Variants in GRM7 observed in about 807,000 individuals in gnomAD.
GRM7 encodes glutamate metabotropic receptor 7.
GRM7 carries 35 observed loss-of-function variants against 84.5 expected under a neutral mutation model. That is an observed-to-expected ratio of 0.41 (90% CI 0.32 to 0.55). The LOEUF is 0.55. GRM7 is among the 20% of genes least tolerant of loss of function. The pLI, the probability that GRM7 is intolerant of heterozygous loss-of-function variation, is 0.19. For synonymous variants in GRM7, 487 were observed against 455.1 expected, an observed-to-expected ratio of 1.07 and a Z score of -0.89; for missense variants, 1,003 against 1,194.6, an observed-to-expected ratio of 0.84 and a Z score of 2.36.
rs546092589 is a variant in GRM7 at position 7,176,765 on chromosome 3, A to G, written c.736+30097A>G. Among the ~76,000 whole-genome samples the G allele has an allele frequency of 2.0e-5, 3 of 152,192 alleles. No individual in the cohort carries two copies. The East Asian group carries it at 5.8e-4, about 30-fold the overall frequency. ...CACCTTGGTTACATTCCATTCTTCC[A>G]TCCTCTTAGTTTCTATCTTGACTGA... is the stretch of plus-strand genomic sequence containing the variant. On this transcript the variant is annotated intron_variant, in intron 2 of 9. Transcript: ENST00000357716.
At chr3:7,007,678 T>A (rs540716032) in intron 1 of GRM7, among the ~76,000 whole-genome samples, 1 of 152,340 alleles carries the variant, frequency 6.6e-6, no homozygotes, top group East Asian at 1.9e-4. Flanking sequence ...CCTCTTATTA[T>A]AAATTTTCAT....
chr3:6,918,624 A>G (rs1575013146), intron 1 of GRM7, among the ~76,000 whole-genome samples: 2 of 152,142 alleles, frequency 1.3e-5, no homozygotes, highest in East Asian at 1.9e-4. Context: ...AGAGCTCACT[A>G]CATGTCAAGT....
At chr3:7,306,430 T>C in intron 3 of GRM7, 68 bp from the exon 4 acceptor site, 1 of 1,377,730 alleles carries the variant, frequency 7.3e-7, no homozygotes, top group Non-Finnish European at 1.0e-6. Flanking sequence ...TTTTGCTGAC[T>C]TGCAATCTAC....
intron 1 of GRM7, among the ~76,000 whole-genome samples, chr3:7,046,408 A>G (rs1318845499): frequency 6.6e-6 from 1 of 152,140 alleles, no homozygotes; most frequent in Non-Finnish European, 1.5e-5. Context: ...AAATACCATC[A>G]TTTCTTCAAC....
rs190292261 is a variant in GRM7, at chr3:7,525,133, G to A, written c.1516-53289G>A. Among the ~76,000 whole-genome samples, 947 of 151,008 alleles carry A rather than the reference G, an allele frequency of 6.3e-3. 10 individuals carry two copies. Among genetic ancestry groups the A allele is most frequent in the African/African-American group, 0.021 (879 of 41,136 alleles). On this transcript the variant is annotated intron_variant, in intron 7 of 9. Transcript: ENST00000357716. ...ACTGTTGAGGGGTGGGGGTAGGGGG[G>A]AGGGATAGCATTAGGAGATATACCT... is the stretch of plus-strand genomic sequence containing the variant.
intron 8 of GRM7, among the ~76,000 whole-genome samples, chr3:7,612,324 T>C (rs1035655677): frequency 3.9e-5 from 6 of 152,170 alleles, no homozygotes; most frequent in African/African-American, 1.4e-4. Flanking sequence ...CAGAATTAAA[T>C]TGAGATGTCA....
At chr3:7,655,726 C>T (rs1288455395) in intron 8 of GRM7, among the ~76,000 whole-genome samples, 2 of 152,180 alleles carry the variant, frequency 1.3e-5, no homozygotes, top group Admixed American at 6.5e-5. Context: ...GGTTTCATAA[C>T]AGGAAAGAAA....
chr3:7,183,842 G>T (rs1310346653), intron 2 of GRM7, among the ~76,000 whole-genome samples: 1 of 151,994 alleles, frequency 6.6e-6, no homozygotes, highest in Admixed American at 6.6e-5. Context: ...AAAACTCAAA[G>T]AAATAAAATA....
chr3:7,400,418 C>T (rs1181806990), intron 4 of GRM7, among the ~76,000 whole-genome samples: 2 of 152,166 alleles, frequency 1.3e-5, no homozygotes, highest in South Asian at 4.1e-4. Context: ...TGTGAGATAA[C>T]ATCCTGACTC....
At chr3:7,379,345 G>A (rs906324749) in intron 4 of GRM7, among the ~76,000 whole-genome samples, 7 of 152,088 alleles carry the variant, frequency 4.6e-5, no homozygotes, top group Non-Finnish European at 7.3e-5. Flanking sequence ...CAACCGCCTA[G>A]GCCTCCCAAA....
chr3:7,194,616 C>T (rs779936602), intron 2 of GRM7, among the ~76,000 whole-genome samples: 27 of 152,096 alleles, frequency 1.8e-4, no homozygotes, highest in Admixed American at 6.6e-4. Flanking sequence ...ACCAGCATAA[C>T]GTGGGAAGTA....
In GRM7 at chr3:7,590,975, C is replaced by T. The variant is rs572837147; in HGVS notation, c.2451+11618C>T. ...CTAGAGCTCTAAGCAGTGACTGGTA[C>T]CTAGTAAGTGCTCAATAAATCCCTG... On this transcript the variant is annotated intron_variant, in intron 8 of 9. Transcript: ENST00000357716. Among the ~76,000 whole-genome samples, 13 of 152,160 alleles carry T rather than the reference C, an allele frequency of 8.5e-5. 1 individual carries two copies. The South Asian group carries it at 2.5e-3, about 29-fold the overall frequency.
intron 7 of GRM7, among the ~76,000 whole-genome samples, chr3:7,572,821 C>CAAAAAAAAAAAA (rs1437470999): frequency 4.8e-5 from 1 of 20,992 alleles, no homozygotes; most frequent in African/African-American, 1.9e-4. Flanking sequence ...GACTCTATCT[C>CAAAAAAAAAAAA]AAATATATAT....
chr3:7,715,718 A>C, intron 9 of GRM7, among the ~76,000 whole-genome samples: 1 of 152,212 alleles, frequency 6.6e-6, no homozygotes, highest in East Asian at 1.9e-4. Context: ...ACAGGGATTC[A>C]GACCCCGCAC....
intron 1 of GRM7, among the ~76,000 whole-genome samples, chr3:7,120,977 T>A (rs1486865005): frequency 6.6e-6 from 1 of 152,188 alleles, no homozygotes; most frequent in African/African-American, 2.4e-5. Context: ...TACAACACTT[T>A]ATTATTGTGG....
At chr3:7,624,046 T>G (rs1279876027) in intron 8 of GRM7, among the ~76,000 whole-genome samples, 1 of 152,118 alleles carries the variant, frequency 6.6e-6, no homozygotes, top group South Asian at 2.1e-4. Flanking sequence ...AGCTTAGAAT[T>G]GGCACAAGTC....
intron 9 of GRM7, among the ~76,000 whole-genome samples, chr3:7,689,548 T>C (rs1700718308): frequency 6.6e-6 from 1 of 152,198 alleles, no homozygotes; most frequent in Non-Finnish European, 1.5e-5. Flanking sequence ...ATCATTTCTC[T>C]CGCCAAGGCT....
chr3:6,984,613 C>G lies in GRM7; in HGVS notation c.519+122706C>G, dbSNP rs75007973. 9.1e-3 allele frequency among the ~76,000 whole-genome samples: 1,374 copies of G among 151,656 alleles called. 8 individuals carry two copies. Among genetic ancestry groups the G allele is most frequent in the Admixed American group, 0.015 (235 of 15,252 alleles). On this transcript the variant is annotated intron_variant, in intron 1 of 9. Transcript: ENST00000357716. ...ACCCTGTGAACATTGTAGAGTTTAT[C>G]TGAACATGACTGGCATCTACACATG...
chr3:7,017,215 C>T (rs1210132432), intron 1 of GRM7, among the ~76,000 whole-genome samples: 1 of 152,130 alleles, frequency 6.6e-6, no homozygotes, highest in East Asian at 1.9e-4. Flanking sequence ...GTTAATATAA[C>T]GAGGTTGTTG....
Sources: allele counts gnomAD v4.1 joint callset (sites outside exome capture counted in the v4.1 genomes callset), GRCh38; gene constraint gnomAD v4.1.1; transcripts MANE v1.5; gene names NCBI Gene and HGNC (gene_info 2026-07-23, HGNC 2026-07-21).